LINGO2: variants seen among roughly 807,000 people sequenced by gnomAD.
LINGO2 encodes the protein leucine rich repeat and Ig domain containing 2.
A neutral mutation model predicts 30.6 loss-of-function variants in LINGO2; 14 were observed. The ratio of observed to expected loss-of-function variants is 0.46; its 90% CI spans 0.30 to 0.72. The LOEUF (loss-of-function observed/expected upper bound fraction) is 0.72. Ranked by LOEUF, LINGO2 falls within the 30% of genes least tolerant of loss-of-function variation. The probability of loss-of-function intolerance (pLI) is 0.07; values close to 1 mark genes in which losing one functional copy is unlikely to be tolerated. For missense variants in LINGO2, 729 were observed against 751.7 expected (o/e 0.97, Z 0.35); for synonymous variants, 317 against 288.5 (o/e 1.10, Z -1.00).
chr9:28,326,059 T>G (rs1192580459), intron 3 of LINGO2, among the ~76,000 whole-genome samples: 2 of 152,180 alleles, frequency 1.3e-5, no homozygotes, highest in Non-Finnish European at 2.9e-5. Flanking sequence ...TAGGCTGGAG[T>G]GCAGTGGCGT....
the LINGO2 span, among the ~76,000 whole-genome samples, chr9:28,944,901 T>C: frequency 6.6e-6 from 1 of 152,182 alleles, no homozygotes; most frequent in Admixed American, 6.5e-5. Flanking sequence ...AATATTTTCC[T>C]GAGAAGTTCT....
chr9:28,632,853 TTTTTATATATA>T (rs1563878976), intron 1 of LINGO2, among the ~76,000 whole-genome samples: 2 of 76,752 alleles, frequency 2.6e-5, no homozygotes, highest in African/African-American at 1.7e-4. Context: ...CTATATATAT[TTTTTATATATA>T]TATATATATA....
the LINGO2 span, among the ~76,000 whole-genome samples, chr9:28,986,482 A>G: frequency 6.0e-4 from 91 of 152,174 alleles, no homozygotes; most frequent in African/African-American, 2.0e-3. Context: ...CATTTTAAAA[A>G]TACTAATACT....
intron 4 of LINGO2, among the ~76,000 whole-genome samples, chr9:28,048,473 C>T (rs1824523059): frequency 6.6e-6 from 1 of 150,700 alleles, no homozygotes; most frequent in African/African-American, 2.5e-5. Context: ...CTTTAGTCAC[C>T]TATTAAAAAA....
At chr9:28,742,703 A>T in the LINGO2 span, among the ~76,000 whole-genome samples, 1 of 151,930 alleles carries the variant, frequency 6.6e-6, no homozygotes, top group East Asian at 1.9e-4. Context: ...GAACTACTAG[A>T]TATTTATATG....
chr9:28,322,205 T>G (rs1357978636), intron 3 of LINGO2, among the ~76,000 whole-genome samples: 1 of 152,204 alleles, frequency 6.6e-6, no homozygotes, highest in Non-Finnish European at 1.5e-5. Flanking sequence ...GGAATGTCCT[T>G]ACATTTCATG....
intron 4 of LINGO2, among the ~76,000 whole-genome samples, chr9:28,076,027 C>A (rs1192276020): frequency 6.6e-6 from 1 of 151,960 alleles, no homozygotes; most frequent in African/African-American, 2.4e-5. Context: ...GGCTCATCTT[C>A]TTCCTAATAA....
chr9:28,517,271 G>A (rs573556229), intron 1 of LINGO2, among the ~76,000 whole-genome samples: 1 of 152,114 alleles, frequency 6.6e-6, no homozygotes, highest in South Asian at 2.1e-4. Flanking sequence ...AAAAGAGCCA[G>A]ATCTTTAATA....
At chr9:28,228,277 C>T (rs1450622658) in intron 4 of LINGO2, among the ~76,000 whole-genome samples, 2 of 151,876 alleles carry the variant, frequency 1.3e-5, no homozygotes, top group Admixed American at 6.6e-5. Flanking sequence ...GCAGTTCTAC[C>T]TCCATTTTTA....
At chr9:28,847,789 CACATATAT>C in the LINGO2 span, among the ~76,000 whole-genome samples, 1 of 35,688 alleles carries the variant, frequency 2.8e-5, no homozygotes, top group African/African-American at 9.1e-5. Flanking sequence ...AGTATATATA[CACATATAT>C]GTATAGTATA....
At chr9:28,394,277 G>A (rs1821955965) in intron 2 of LINGO2, among the ~76,000 whole-genome samples, 2 of 152,158 alleles carry the variant, frequency 1.3e-5, no homozygotes, top group Non-Finnish European at 2.9e-5. Context: ...TTTTTCTGAT[G>A]GAGGACTTCA....
At chr9:29,009,116 A>T in the LINGO2 span, among the ~76,000 whole-genome samples, 1 of 152,164 alleles carries the variant, frequency 6.6e-6, no homozygotes, top group Non-Finnish European at 1.5e-5. Context: ...CCCTTTGAAA[A>T]CCGGCACAAG....
intron 4 of LINGO2, among the ~76,000 whole-genome samples, chr9:28,179,530 C>T (rs1349089463): frequency 5.5e-5 from 4 of 72,280 alleles, no homozygotes; most frequent in Non-Finnish European, 1.1e-4. Flanking sequence ...TATATATAAA[C>T]TATATATAGT....
chr9:28,606,964 G>A (rs1316543789), intron 1 of LINGO2, among the ~76,000 whole-genome samples: 2 of 151,914 alleles, frequency 1.3e-5, no homozygotes, highest in Non-Finnish European at 2.9e-5. Flanking sequence ...CATTTATTAG[G>A]AGCCCCTTAT....
At chr9:28,135,500 C>A (rs1310715917) in intron 4 of LINGO2, among the ~76,000 whole-genome samples, 1 of 151,416 alleles carries the variant, frequency 6.6e-6, no homozygotes, top group Non-Finnish European at 1.5e-5. Context: ...ACCTGTTGAT[C>A]TAGTATCTAC....
the LINGO2 span, among the ~76,000 whole-genome samples, chr9:28,767,289 C>G: frequency 6.6e-6 from 1 of 152,138 alleles, no homozygotes; most frequent in Admixed American, 6.5e-5. Flanking sequence ...TATTAATTTG[C>G]TTGACTGTGG....
At chr9:28,466,909 TA>T (rs1825329159) in intron 2 of LINGO2, among the ~76,000 whole-genome samples, 1 of 152,114 alleles carries the variant, frequency 6.6e-6, no homozygotes, top group African/African-American at 2.4e-5. Flanking sequence ...ACAAACTGGT[TA>T]AAAATGACTA....
the LINGO2 span, among the ~76,000 whole-genome samples, chr9:29,020,105 A>C: frequency 6.6e-6 from 1 of 152,164 alleles, no homozygotes; most frequent in Non-Finnish European, 1.5e-5. Flanking sequence ...ATCCAATATA[A>C]AATTCCACTT....
At chr9:28,949,541 C>T in the LINGO2 span, among the ~76,000 whole-genome samples, 2 of 151,858 alleles carry the variant, frequency 1.3e-5, no homozygotes, top group Non-Finnish European at 2.9e-5. Context: ...ACACATACAC[C>T]CTCCCAAGAC....
Sources: gnomAD v4.1 joint callset for allele counts (sites outside exome capture counted in the v4.1 genomes callset) on GRCh38, gnomAD v4.1.1 for gene constraint, MANE v1.5 for transcripts, NCBI Gene and HGNC (gene_info 2026-07-23, HGNC 2026-07-21) for gene names.